The following BCL6 variants were observed in gnomAD, a reference collection of about 807,000 sequenced individuals.
The protein encoded by BCL6 is B-cell lymphoma 6 protein.
Under a neutral mutation model 59.5 loss-of-function variants are expected in BCL6, and 7 were observed. The ratio of observed to expected loss-of-function variants is 0.12; its 90% confidence interval spans 0.07 to 0.22. BCL6 has a LOEUF of 0.22. BCL6 is among the 10% of genes least tolerant of loss of function. BCL6 has a pLI of 1.00. For missense variants in BCL6, 685 were observed against 939.4 expected, an observed-to-expected ratio of 0.73 and a Z score of 3.54; for synonymous variants, 339 against 349.7, an observed-to-expected ratio of 0.97 and a Z score of 0.34.
intron 1 of BCL6, among the ~76,000 whole-genome samples, chr3:187,744,940 C>G (rs563030522): frequency 2.0e-5 from 3 of 152,288 alleles, no homozygotes; most frequent in South Asian, 2.1e-4. Flanking sequence ...TCTCCGCGGT[C>G]TGGGGCCAGA....
chr3:187,732,658 G>C (rs1579817713), intron 3 of BCL6, among the ~76,000 whole-genome samples: 1 of 152,180 alleles, frequency 6.6e-6, no homozygotes, highest in African/African-American at 2.4e-5. Context: ...AAGATATTTA[G>C]CTTCTCTGCA....
intron 1 of BCL6, among the ~76,000 whole-genome samples, chr3:187,744,833 CG>C (rs1711828217): frequency 6.6e-6 from 1 of 151,890 alleles, no homozygotes; most frequent in Admixed American, 6.6e-5. Context: ...AGTTTGCAAG[CG>C]AGAAAAGAGG....
chr3:187,744,801 G>C (rs1397050235), intron 1 of BCL6, among the ~76,000 whole-genome samples: 3 of 144,778 alleles, frequency 2.1e-5, no homozygotes, highest in East Asian at 2.0e-4. Context: ...GCGGAGGCCA[G>C]GAGCGACGGA....
chr3:187,744,522 G>T (rs1265579376), intron 1 of BCL6, among the ~76,000 whole-genome samples: 1 of 152,152 alleles, frequency 6.6e-6, no homozygotes, highest in Non-Finnish European at 1.5e-5. Context: ...GGAAGATCAC[G>T]GCTCTGAAAG....
intron 1 of BCL6, among the ~76,000 whole-genome samples, chr3:187,741,709 T>C (rs1523474): frequency 0.53 from 81,154 of 152,082 alleles, 24,311 homozygotes; most frequent in Middle Eastern, 0.74. Context: ...TCGATGTTGA[T>C]TCACAGAGGG....
intron 1 of BCL6, among the ~76,000 whole-genome samples, chr3:187,743,451 T>C (rs899258478): frequency 7.9e-5 from 12 of 151,962 alleles, no homozygotes; most frequent in Non-Finnish European, 1.5e-4. Flanking sequence ...TGCTCAACTG[T>C]CAGGACCCCC....
At chr3:187,733,105 C>T (rs1367956094) in intron 3 of BCL6, among the ~76,000 whole-genome samples, 1 of 152,184 alleles carries the variant, frequency 6.6e-6, no homozygotes, top group Non-Finnish European at 1.5e-5. Context: ...ACTCTGAACA[C>T]CCATGGAAAT....
At chr3:187,744,598 A>T (rs1576885217) in intron 1 of BCL6, among the ~76,000 whole-genome samples, 2 of 152,216 alleles carry the variant, frequency 1.3e-5, no homozygotes, top group East Asian at 1.9e-4. Context: ...ACAAAAACCC[A>T]AAGAGTTCGC....
chr3:187,731,646 A>T, intron 4 of BCL6, 63 bp downstream of exon 4: 1 of 1,529,494 alleles, frequency 6.5e-7, no homozygotes, highest in Non-Finnish European at 9.0e-7. Flanking sequence ...ATGAATTATC[A>T]AAGGTTTCTG....
Position 187,724,938 on chromosome 3 carries a change from T to C in BCL6, c.1977+3A>G, listed in dbSNP as rs776048282. On this transcript the variant is annotated splice_donor_region_variant and intron_variant, in intron 9 of 9. Transcript: ENST00000406870. ...AGAGAGCGGCCTCAAGAGGCTTACG[T>C]ACATGGTAAGGTTTCTCTCCTGTGT... 1.9e-4 allele frequency: 301 copies of C among 1,614,074 alleles called. No individual in the cohort carries two copies. The highest frequency in any genetic ancestry group is 9.1e-4 in the East Asian group (41 of 44,880).
chr3:187,727,047 A>C (rs1372391405), intron 6 of BCL6, 149 bp from the exon 7 acceptor site: 1 of 853,068 alleles, frequency 1.2e-6, no homozygotes, highest in Non-Finnish European at 1.8e-6. Context: ...GCTCGGAGCA[A>C]AGGATCTGTG....
At chr3:187,733,413 TG>T in intron 3 of BCL6, 119 bp downstream of exon 3, 1 of 1,208,678 alleles carries the variant, frequency 8.3e-7, no homozygotes, top group Non-Finnish European at 1.2e-6. Flanking sequence ...TGCTGAGATC[TG>T]GAGACAAAGC....
intron 1 of BCL6, among the ~76,000 whole-genome samples, chr3:187,742,117 T>C (rs1387191834): frequency 2.0e-5 from 3 of 152,200 alleles, no homozygotes; most frequent in Admixed American, 2.0e-4. Flanking sequence ...TTTAAATCTC[T>C]GGGGGAAAAA....
rs1718423440 is a variant in BCL6, at chr3:187,721,702, T to A, written c.*756A>T. The A allele has an allele frequency of 4.3e-6, 1 of 232,400 alleles. No individual in the cohort carries two copies. Among genetic ancestry groups the A allele is most frequent in the South Asian group, 1.8e-4 (1 of 5,526 alleles). The allele number at this position is 232,400 out of a possible 1,614,324, so 14.4% of individuals were successfully genotyped here. On this transcript the variant is annotated 3_prime_UTR_variant, in exon 10 of 10. Transcript: ENST00000406870. The surrounding 1 kb of genome is among the most constrained non-coding windows in gnomAD (Gnocchi z 4.2). ...ATTACACATTTTTCCTTCTGCAGAT[T>A]TTTTTGTTCTTTTTGTTTTTTTTAA...
chr3:187,729,584 T>G lies in BCL6; in HGVS notation c.821A>C (p.His274Pro), dbSNP rs1214523775. 1.9e-6 allele frequency: 3 copies of G among 1,614,014 alleles called. No homozygotes were observed. Among genetic ancestry groups the G allele is most frequent in the Non-Finnish European group, 2.5e-6 (3 of 1,180,030 alleles). Reference protein sequence around the residue: ...TIPEEARSDMHYSVAEGLKPA... With the variant: ...TIPEEARSDMPYSVAEGLKPA... Reference sequence around the variant, plus strand: ...TTTGAGGCCCTCAGCCACACTGTAGTGCATATCACTTCGTGCCTCTTCTGG... The same window carrying G: ...TTTGAGGCCCTCAGCCACACTGTAGGGCATATCACTTCGTGCCTCTTCTGG... The change falls in exon 5 of 10, where the codon CAC becomes CCC. Residue 274 changes from histidine (H) to proline (P), a missense_variant. Coordinates refer to ENST00000406870, the MANE Select transcript of BCL6 (RefSeq NM_001706.5). The surrounding 1 kb of genome is among the most constrained non-coding windows in gnomAD (Gnocchi z 5.6).
At chr3:187,730,632 G>T (rs1307856503) in intron 4 of BCL6, among the ~76,000 whole-genome samples, 3 of 152,196 alleles carry the variant, frequency 2.0e-5, no homozygotes, top group Non-Finnish European at 4.4e-5. Context: ...ACCTAGCTGT[G>T]CCACTTAGCA....
intron 1 of BCL6, among the ~76,000 whole-genome samples, chr3:187,745,063 C>T (rs889838203): frequency 4.6e-5 from 7 of 151,912 alleles, no homozygotes; most frequent in South Asian, 2.1e-4. Flanking sequence ...AAAACCAAAA[C>T]AACACAAGGG....
At chr3:187,743,876 G>A (rs1411080693) in intron 1 of BCL6, among the ~76,000 whole-genome samples, 2 of 152,060 alleles carry the variant, frequency 1.3e-5, no homozygotes, top group African/African-American at 2.4e-5. Context: ...AACCAACCTC[G>A]CAATCTATTT....
rs763724100 is a variant in BCL6, at chr3:187,731,964, C to T, written c.162-34G>A. 5 of 1,563,378 alleles carry T rather than the reference C, an allele frequency of 3.2e-6. No homozygotes were observed. The Admixed American group carries it at 6.7e-5, about 21-fold the overall frequency. ...CAAACAAATGTCCCACTATAGTAGA[C>T]ATATCGAATCTGTGATCCCTTACAG... On this transcript the variant is annotated intron_variant, in intron 3 of 9. Coordinates refer to ENST00000406870, the MANE Select transcript of BCL6 (RefSeq NM_001706.5).
Sources: gnomAD v4.1 joint callset for allele counts (sites outside exome capture counted in the v4.1 genomes callset) on GRCh38, gnomAD v4.1.1 for gene constraint, Gnocchi (gnomAD v3.1) non-coding constraint, MANE v1.5 for transcripts, NCBI Gene and HGNC (gene_info 2026-07-23, HGNC 2026-07-21) for gene names.